CEP128: variants seen among roughly 807,000 people sequenced by gnomAD.
The protein encoded by CEP128 is centrosomal protein 128, also known as centrosomal protein 128kDa.
A neutral mutation model predicts 156.7 loss-of-function variants in CEP128; 132 were observed. The observed-to-expected ratio is 0.84, with a 90% CI of 0.73 to 0.97. CEP128 has a LOEUF of 0.97. Among genes scored for constraint, CEP128 ranks in the 50% least tolerant of loss-of-function variants. The pLI is 0.00. For missense variants in CEP128, 1,252 were observed against 1,281.9 expected (o/e 0.98, Z 0.36); for synonymous variants, 469 against 448.9 (o/e 1.04, Z -0.57).
intron 19 of CEP128, among the ~76,000 whole-genome samples, chr14:80,637,971 G>A (rs1443228392): frequency 6.6e-6 from 1 of 152,334 alleles, no homozygotes; most frequent in Middle Eastern, 3.4e-3. Flanking sequence ...GTCAGGTCCT[G>A]CTGACACTTT....
chr14:80,899,980 C>A lies in CEP128; in HGVS notation c.530G>T (p.Arg177Leu). 6.2e-7 allele frequency: 1 copy of A among 1,613,584 alleles called. No individual in the cohort carries two copies. Residue 177 changes from arginine to leucine, a missense_variant, in exon 7 of 25, where the codon CGC (arginine) becomes CTC (leucine). Arg to Leu is a moderately radical substitution (Grantham distance 102). Coordinates refer to ENST00000555265, the MANE Select transcript of CEP128 (RefSeq NM_152446.5). Reference sequence around the variant, plus strand: ...CTCCCTGTTGAAATCATCTCCAAGGCGAATTTGTTCACTGCTGAGGTCTCG... The same window carrying A: ...CTCCCTGTTGAAATCATCTCCAAGGAGAATTTGTTCACTGCTGAGGTCTCG... The part of the protein sequence containing the change: ...SLRDLSSEQI[R>L]LGDDFNRELS...
chr14:80,708,178 A>G (rs2139396398), intron 19 of CEP128, among the ~76,000 whole-genome samples: 1 of 152,292 alleles, frequency 6.6e-6, no homozygotes, highest in African/African-American at 2.4e-5. Context: ...CCGCATAAGA[A>G]GCGTTATTTA....
chr14:80,503,043 A>T (rs1430208039), intron 24 of CEP128, among the ~76,000 whole-genome samples: 3 of 152,180 alleles, frequency 2.0e-5, no homozygotes. Context: ...AAATTTTTTA[A>T]AGTATTTTTG....
intron 21 of CEP128, among the ~76,000 whole-genome samples, chr14:80,532,073 T>C (rs1235706645): frequency 6.6e-6 from 1 of 152,210 alleles, no homozygotes; most frequent in Non-Finnish European, 1.5e-5. Context: ...CAATGCATCA[T>C]ATAGCATTAA....
At chr14:80,805,687 A>G (rs1884135562) in intron 13 of CEP128, among the ~76,000 whole-genome samples, 1 of 152,186 alleles carries the variant, frequency 6.6e-6, no homozygotes, top group Non-Finnish European at 1.5e-5. Context: ...TCATTTCAGT[A>G]TAATTTGAGT....
chr14:80,859,436 T>A (rs1319784624), intron 9 of CEP128, among the ~76,000 whole-genome samples: 1 of 147,092 alleles, frequency 6.8e-6, no homozygotes, highest in Non-Finnish European at 1.5e-5. Context: ...TTGGGAGATA[T>A]ACCTAATGCT....
At chr14:80,913,846 A>G (rs560865470) in intron 4 of CEP128, among the ~76,000 whole-genome samples, 2 of 152,350 alleles carry the variant, frequency 1.3e-5, no homozygotes, top group South Asian at 4.1e-4. Context: ...TGACAGGTGC[A>G]CTAAAATCCC....
intron 19 of CEP128, among the ~76,000 whole-genome samples, chr14:80,630,971 A>T (rs2140725787): frequency 6.6e-6 from 1 of 152,156 alleles, no homozygotes; most frequent in South Asian, 2.1e-4. Context: ...GAAAACATGC[A>T]GTGCCTACTT....
intron 19 of CEP128, among the ~76,000 whole-genome samples, chr14:80,597,030 C>A (rs1160586867): frequency 6.7e-6 from 1 of 149,502 alleles, no homozygotes; most frequent in Non-Finnish European, 1.5e-5. Context: ...AAACAAAAAA[C>A]CAGCAAGCAG....
chr14:80,593,228 A>G (rs1480741680), intron 19 of CEP128, among the ~76,000 whole-genome samples: 3 of 152,116 alleles, frequency 2.0e-5, no homozygotes, highest in Non-Finnish European at 4.4e-5. Flanking sequence ...CTGTTTGCAG[A>G]TGACATGATT....
intron 6 of CEP128, among the ~76,000 whole-genome samples, chr14:80,901,913 C>G (rs1883583252): frequency 6.6e-6 from 1 of 152,134 alleles, no homozygotes; most frequent in African/African-American, 2.4e-5. Context: ...TTTGTCAGCC[C>G]TGTTACACGG....
intron 19 of CEP128, among the ~76,000 whole-genome samples, chr14:80,619,638 G>T (rs11621918): frequency 0.028 from 4,200 of 151,064 alleles, 94 homozygotes; most frequent in South Asian, 0.055. Flanking sequence ...GGAGGCAGAG[G>T]TTGCAGCGAG....
chr14:80,663,610 T>C (rs1278672589), intron 19 of CEP128, among the ~76,000 whole-genome samples: 1 of 152,202 alleles, frequency 6.6e-6, no homozygotes, highest in African/African-American at 2.4e-5. Context: ...ACAATAGCAC[T>C]AGCACTGACT....
chr14:80,629,222 A>G (rs922481949), intron 19 of CEP128, among the ~76,000 whole-genome samples: 1 of 152,160 alleles, frequency 6.6e-6, no homozygotes, highest in Non-Finnish European at 1.5e-5. Context: ...ACTAGAGATC[A>G]GCGATGTGAG....
intron 8 of CEP128, among the ~76,000 whole-genome samples, chr14:80,886,583 G>C (rs1343734289): frequency 6.6e-6 from 1 of 152,152 alleles, no homozygotes; most frequent in East Asian, 1.9e-4. Flanking sequence ...AAATGCTGAG[G>C]GATTTTGTCA....
At chr14:80,779,698 C>T (rs1900998946) in intron 15 of CEP128, among the ~76,000 whole-genome samples, 1 of 152,136 alleles carries the variant, frequency 6.6e-6, no homozygotes, top group Non-Finnish European at 1.5e-5. Context: ...TTGGCAAATG[C>T]TATAAATCAA....
At chr14:80,769,093 G>A (rs1450186622) in intron 16 of CEP128, among the ~76,000 whole-genome samples, 2 of 152,078 alleles carry the variant, frequency 1.3e-5, no homozygotes, top group African/African-American at 4.8e-5. Context: ...ATGAAATATG[G>A]ACAAGGGAAC....
intron 15 of CEP128, 86 bp downstream of exon 15, chr14:80,784,809 T>C: frequency 2.7e-6 from 3 of 1,118,002 alleles, no homozygotes; most frequent in Non-Finnish European, 3.9e-6. Context: ...GAATACAGAA[T>C]GATCTCTAAA....
intron 13 of CEP128, among the ~76,000 whole-genome samples, chr14:80,827,015 A>T (rs1308098015): frequency 6.6e-6 from 1 of 152,170 alleles, no homozygotes; most frequent in African/African-American, 2.4e-5. Context: ...TTAAAAGGTA[A>T]ATTATGCAAA....
Sources: allele counts gnomAD v4.1 joint callset (sites outside exome capture counted in the v4.1 genomes callset), GRCh38; gene constraint gnomAD v4.1.1; transcripts MANE v1.5; gene names NCBI Gene and HGNC (gene_info 2026-07-23, HGNC 2026-07-21).